Variants in E4F1 observed in about 807,000 individuals in gnomAD.
E4F1 encodes the protein transcription factor E4F1.
A neutral mutation model predicts 72.9 loss-of-function variants in E4F1; 30 were observed. The observed-to-expected ratio is 0.41, with a 90% CI of 0.31 to 0.56. The LOEUF (loss-of-function observed/expected upper bound fraction) is 0.56. E4F1 is among the 20% of genes least tolerant of loss of function. E4F1 has a pLI of 0.25. For synonymous variants in E4F1, 542 were observed against 478.2 expected, an observed-to-expected ratio of 1.13 and a Z score of -1.74; for missense variants, 1,091 against 1,117.5, an observed-to-expected ratio of 0.98 and a Z score of 0.34.
chr16:2,224,527 C>G (rs576926034), intron 1 of E4F1, among the ~76,000 whole-genome samples: 265 of 152,280 alleles, frequency 1.7e-3, no homozygotes, highest in Non-Finnish European at 2.6e-3. Context: ...CGGTGGCTCA[C>G]GCCTGTAATC....
chr16:2,232,056 A>C, intron 3 of E4F1, 115 bp from the exon 4 acceptor site: 1 of 1,328,296 alleles, frequency 7.5e-7, no homozygotes, highest in East Asian at 2.3e-5. Context: ...GGCTCAGTGC[A>C]GGTTGGGTCC....
chr16:2,223,688 G>A lies in E4F1; in HGVS notation c.75G>A (p.Ala25=), dbSNP rs2093412458. 6 of 1,576,312 alleles carry A rather than the reference G, an allele frequency of 3.8e-6. No homozygotes were observed. In the Admixed American group the frequency reaches 7.1e-5, roughly 19 times the overall value. The change falls in exon 1 of 14, where the codon GCG becomes GCA. Residue 25 remains alanine, a synonymous_variant. Coordinates refer to ENST00000301727, the MANE Select transcript of E4F1 (RefSeq NM_004424.5). The part of the protein sequence containing the change: ...AEAQAEAGRE[A]GEGAVAAVAA... Reference sequence around the variant, plus strand: ...CCCAGGCCGAAGCCGGGCGGGAAGCGGGCGAGGGTGCAGTTGCGGCGGTGG... The same window carrying A: ...CCCAGGCCGAAGCCGGGCGGGAAGCAGGCGAGGGTGCAGTTGCGGCGGTGG...
intron 1 of E4F1, among the ~76,000 whole-genome samples, chr16:2,226,825 G>GGGTCC (rs1423767786): frequency 6.6e-6 from 1 of 152,190 alleles, no homozygotes; most frequent in Non-Finnish European, 1.5e-5. Flanking sequence ...TGCACGACCG[G>GGGTCC]GGTCCGGCAC....
chr16:2,232,640 C>G, intron 5 of E4F1, 64 bp downstream of exon 5: 9 of 1,604,374 alleles, frequency 5.6e-6, no homozygotes, highest in Non-Finnish European at 6.8e-6. Flanking sequence ...TGGGGTGCCC[C>G]AGCCTCGCAT....
Position 2,234,842 on chromosome 16 carries a change from C to A in E4F1, c.1793-17C>A, listed in dbSNP as rs546597815. On this transcript the variant is annotated splice_polypyrimidine_tract_variant and intron_variant, in intron 11 of 13. Transcript: ENST00000301727. ...GGGCCGGGGCTTGCCTAGCCCTGAC[C>A]GAGTCCCCACCCACAGGGGGCTGCC... is the stretch of plus-strand genomic sequence containing the variant. The A allele has an allele frequency of 1.9e-6, 3 of 1,548,160 alleles. No individual in the cohort carries two copies. Among genetic ancestry groups the A allele is most frequent in the South Asian group, 2.4e-5 (2 of 83,958 alleles).
intron 8 of E4F1, 58 bp from the exon 9 acceptor site, chr16:2,233,824 T>TA (rs2093484421): frequency 6.7e-7 from 1 of 1,489,110 alleles, no homozygotes; most frequent in African/African-American, 1.4e-5. Context: ...GTTGTGTTCT[T>TA]GGTACTGCCA....
intron 3 of E4F1, chr16:2,231,052 A>T (rs2093464506): frequency 6.6e-6 from 1 of 152,416 alleles, no homozygotes; most frequent in Non-Finnish European, 1.5e-5. Context: ...CTTTGCGGGC[A>T]TCCTGGGTAC....
intron 1 of E4F1, chr16:2,223,990 T>C (rs2093415328): frequency 2.0e-6 from 3 of 1,490,514 alleles, no homozygotes; most frequent in Admixed American, 4.4e-5. Context: ...CTCTCTGGTG[T>C]GCGTCCACAA....
chr16:2,235,662 G>A lies in E4F1; in HGVS notation c.*90G>A. 1 of 1,176,940 alleles carries A rather than the reference G, an allele frequency of 8.5e-7. No individual in the cohort carries two copies. The highest frequency in any genetic ancestry group is 2.6e-5 in the East Asian group (1 of 39,040). The allele number at this position is 1,176,940 out of a possible 1,614,324, so 72.9% of individuals were successfully genotyped here. ...GCCTGCCTGGCCTGGTAGAGAAGAT[G>A]GCACAGGATGGAGGCGCCCCAAGAC... On this transcript the variant is annotated 3_prime_UTR_variant, in exon 14 of 14. Coordinates refer to ENST00000301727, the MANE Select transcript of E4F1 (RefSeq NM_004424.5).
chr16:2,223,622 C>T lies in E4F1; in HGVS notation c.9C>T (p.Gly3=), dbSNP rs759103194. 2 of 1,589,026 alleles carry T rather than the reference C, an allele frequency of 1.3e-6. No homozygotes were observed. The highest frequency in any genetic ancestry group is 1.4e-5 in the African/African-American group (1 of 71,578). ME[G]AMAVRVTAAH... is the part of the protein sequence containing the mutation. Reference sequence around the variant, plus strand: ...CTGCGGCGCGTTGCGACATGGAGGGCGCGATGGCAGTGCGGGTGACGGCCG... The same window carrying T: ...CTGCGGCGCGTTGCGACATGGAGGGTGCGATGGCAGTGCGGGTGACGGCCG... The change falls in exon 1 of 14, where the codon GGC becomes GGT. Residue 3 remains glycine, a synonymous_variant. Coordinates refer to ENST00000301727, the MANE Select transcript of E4F1 (RefSeq NM_004424.5).
chr16:2,225,700 G>A (rs1269627708), intron 1 of E4F1, among the ~76,000 whole-genome samples: 1 of 148,096 alleles, frequency 6.8e-6, no homozygotes, highest in Non-Finnish European at 1.5e-5. Context: ...TTGAACTCCC[G>A]ACCTCAGGTG....
chr16:2,232,740 T>C lies in E4F1; in HGVS notation c.731-16T>C. On this transcript the variant is annotated splice_polypyrimidine_tract_variant and intron_variant, in intron 5 of 13. Transcript: ENST00000301727. Reference sequence around the variant, plus strand: ...CCTGCTGGGGCTGCCCGGGGCTGACTAGGTTCTCTCTGCAGATGAGCGCCC... The same window carrying C: ...CCTGCTGGGGCTGCCCGGGGCTGACCAGGTTCTCTCTGCAGATGAGCGCCC... 1.2e-6 allele frequency: 2 copies of C among 1,612,850 alleles called. No homozygotes were observed. The highest frequency in any genetic ancestry group is 1.7e-6 in the Non-Finnish European group (2 of 1,179,910).
intron 2 of E4F1, among the ~76,000 whole-genome samples, chr16:2,229,325 G>A (rs2093451692): frequency 6.6e-6 from 1 of 152,242 alleles, no homozygotes; most frequent in African/African-American, 2.4e-5. Flanking sequence ...TCCAGCCCAC[G>A]TGGCCAGAGG....
intron 1 of E4F1, among the ~76,000 whole-genome samples, chr16:2,227,673 G>C (rs532002945): frequency 6.6e-6 from 1 of 151,986 alleles, no homozygotes; most frequent in South Asian, 2.1e-4. Context: ...CCCTAATTTT[G>C]TATTTTTAGT....
intron 1 of E4F1, among the ~76,000 whole-genome samples, chr16:2,227,215 G>T (rs2093437277): frequency 6.6e-6 from 1 of 151,802 alleles, no homozygotes. Context: ...TTTGTTTTTT[G>T]GTTTTGTTTT....
At chr16:2,233,357 T>C (rs1177764544) in intron 7 of E4F1, 81 bp from the exon 8 acceptor site, 5 of 1,432,152 alleles carry the variant, frequency 3.5e-6, no homozygotes, top group Non-Finnish European at 4.6e-6. Context: ...TGCACAAGGC[T>C]CCTGGCGTGC....
At chr16:2,228,307 C>T (rs780767311) in intron 1 of E4F1, 65 bp from the exon 2 acceptor site, 1 of 1,600,460 alleles carries the variant, frequency 6.2e-7, no homozygotes, top group Non-Finnish European at 8.5e-7. Context: ...GAGGAAAAGC[C>T]AGACGGAGCC....
chr16:2,232,351 A>G lies in E4F1; in HGVS notation c.596A>G (p.Lys199Arg). The change falls in exon 4 of 14, where the codon AAG becomes AGG. Residue 199 changes from lysine (K) to arginine (R), a missense_variant. Physicochemically the swap from Lys to Arg is conservative, Grantham distance 26 (BLOSUM62 2). This residue lies in a region of E4F1 where 362 missense variants were observed against 358.6 expected (regional missense o/e 1.01). Coordinates refer to ENST00000301727, the MANE Select transcript of E4F1 (RefSeq NM_004424.5). ...CGCTATGTGTGTGCGCTGTGCCACA[A>G]GACCTTCAAGACGGTGAGCCGGCGT... The part of the protein sequence containing the change: ...DGRYVCALCH[K>R]TFKTGSILKA... 1 of 1,601,454 alleles carries G rather than the reference A, an allele frequency of 6.2e-7. No individual in the cohort carries two copies. Among genetic ancestry groups the G allele is most frequent in the South Asian group, 1.1e-5 (1 of 90,098 alleles).
chr16:2,224,404 A>G (rs750922254), intron 1 of E4F1, among the ~76,000 whole-genome samples: 47 of 152,332 alleles, frequency 3.1e-4, no homozygotes, highest in Non-Finnish European at 5.0e-4. Context: ...ATCCTGCTTT[A>G]GGTTTTTTCA....
Sources: allele counts gnomAD v4.1 joint callset (sites outside exome capture counted in the v4.1 genomes callset), GRCh38; gene constraint gnomAD v4.1.1; regional missense constraint gnomAD v4.1.1; transcripts MANE v1.5; gene names NCBI Gene and HGNC (gene_info 2026-07-23, HGNC 2026-07-21).